Variants in TMEM131L observed in about 807,000 individuals in gnomAD.
The protein encoded by TMEM131L is transmembrane 131 like, also known as transmembrane protein 131-like.
In TMEM131L, 54 loss-of-function variants were observed where a neutral mutation model predicts 192.2. The ratio of observed to expected loss-of-function variants is 0.28; its 90% CI spans 0.23 to 0.35. TMEM131L has a LOEUF of 0.35. TMEM131L is among the 10% of genes least tolerant of loss of function. The probability of loss-of-function intolerance (pLI) is 1.00; values close to 1 mark genes in which losing one functional copy is unlikely to be tolerated. For missense variants in TMEM131L, 1,888 were observed against 1,972.9 expected, an observed-to-expected ratio of 0.96 and a Z score of 0.82; for synonymous variants, 701 against 704.9, an observed-to-expected ratio of 0.99 and a Z score of 0.09.
intron 3 of TMEM131L, among the ~76,000 whole-genome samples, chr4:153,521,555 T>C (rs185284836): frequency 5.8e-4 from 89 of 152,322 alleles, no homozygotes; most frequent in African/African-American, 1.8e-3. Context: ...ATTTTGACCA[T>C]TTTTAAGTGT....
At chr4:153,487,693 C>CGTGTGTGT (rs140651689) in intron 3 of TMEM131L, among the ~76,000 whole-genome samples, 4,342 of 142,018 alleles carry the variant, frequency 0.031, 167 homozygotes, top group Admixed American at 0.12. Flanking sequence ...GCTGCACAGG[C>CGTGTGTGT]GTGTGTGTGT....
At chr4:153,499,302 G>A (rs184532567) in intron 3 of TMEM131L, among the ~76,000 whole-genome samples, 1 of 152,314 alleles carries the variant, frequency 6.6e-6, no homozygotes, top group East Asian at 1.9e-4. Context: ...GATGCCCAGC[G>A]CTTGTCTGCC....
At chr4:153,507,738 A>G (rs893989347) in intron 3 of TMEM131L, among the ~76,000 whole-genome samples, 2 of 152,004 alleles carry the variant, frequency 1.3e-5, no homozygotes, top group Admixed American at 6.6e-5. Flanking sequence ...CAAACAAAAA[A>G]CCAGGGAACG....
chr4:153,538,461 C>A (rs113411332), intron 3 of TMEM131L, among the ~76,000 whole-genome samples: 6 of 152,194 alleles, frequency 3.9e-5, no homozygotes, highest in African/African-American at 1.4e-4. Context: ...TGAAAGACAG[C>A]AGGAACCATC....
At chr4:153,539,637 A>G (rs1055319008) in intron 3 of TMEM131L, among the ~76,000 whole-genome samples, 3 of 151,872 alleles carry the variant, frequency 2.0e-5, no homozygotes, top group East Asian at 1.9e-4. Context: ...CTCGACTGTA[A>G]CAGCTGCTGT....
At chr4:153,490,322 G>A (rs996335951) in intron 3 of TMEM131L, among the ~76,000 whole-genome samples, 2 of 152,192 alleles carry the variant, frequency 1.3e-5, no homozygotes, top group African/African-American at 2.4e-5. Flanking sequence ...GGTGTAATTC[G>A]TGGGTAATTA....
intron 32 of TMEM131L, 115 bp from the exon 33 acceptor site, chr4:153,634,077 C>G: frequency 1.2e-6 from 1 of 867,158 alleles, no homozygotes; most frequent in Non-Finnish European, 1.9e-6. Flanking sequence ...TTTTATTTTC[C>G]AAAATTGGGG....
At chr4:153,541,665 G>C (rs919344828) in intron 3 of TMEM131L, among the ~76,000 whole-genome samples, 1 of 152,200 alleles carries the variant, frequency 6.6e-6, no homozygotes, top group Non-Finnish European at 1.5e-5. Context: ...AAATGAATCA[G>C]TCAAACCACA....
intron 29 of TMEM131L, among the ~76,000 whole-genome samples, chr4:153,623,313 A>G (rs1733590383): frequency 6.6e-6 from 1 of 152,134 alleles, no homozygotes; most frequent in African/African-American, 2.4e-5. Flanking sequence ...TCTTGGAAAT[A>G]GTTCAGAGAG....
At chr4:153,582,672 A>G (rs1194349219) in intron 9 of TMEM131L, among the ~76,000 whole-genome samples, 1 of 151,850 alleles carries the variant, frequency 6.6e-6, no homozygotes, top group African/African-American at 2.4e-5. Flanking sequence ...TCCTGTCCTC[A>G]GTGCTTGGTG....
At chr4:153,480,264 G>A (rs931584049) in intron 3 of TMEM131L, among the ~76,000 whole-genome samples, 9 of 152,094 alleles carry the variant, frequency 5.9e-5, no homozygotes, top group Non-Finnish European at 1.0e-4. Flanking sequence ...GCATGAACCC[G>A]GGAGTCGGAG....
At chr4:153,531,780 G>A (rs976968905) in intron 3 of TMEM131L, among the ~76,000 whole-genome samples, 3 of 152,210 alleles carry the variant, frequency 2.0e-5, no homozygotes, top group Admixed American at 6.5e-5. Context: ...GAGAACTGGC[G>A]AATTTAGGAT....
rs144462317 is a variant in TMEM131L, at chr4:153,594,198, T to G, written c.1995+327T>G. On this transcript the variant is annotated intron_variant, in intron 19 of 34. Transcript: ENST00000409959. ...CTCTTAAGATTCCTTGGCCCTCAAA[T>G]TCTTTTTTAGGGCAAGATAAGGAAA... Among the ~76,000 whole-genome samples, 440 of 152,118 alleles carry G rather than the reference T, an allele frequency of 2.9e-3. 2 individuals carry two copies. The highest frequency in any genetic ancestry group is 0.01 in the African/African-American group (417 of 41,504).
rs1286203964 is a variant in TMEM131L at position 153,591,098 on chromosome 4, C to T, written c.1716C>T (p.Ser572=). ...GTTRFAHLKK[S]KESESFVFFL... ...CTCGATTTGCTCACTTGAAGAAATC[C>T]AAGGAGTCAGAGTCCTTTGTTTTCT... The change falls in exon 17 of 35, where the codon TCC becomes TCT. Residue 572 remains serine (S), a synonymous_variant. Transcript: ENST00000409959. 3 of 1,605,668 alleles carry T rather than the reference C, an allele frequency of 1.9e-6. No individual in the cohort carries two copies. Among genetic ancestry groups the T allele is most frequent in the East Asian group, 2.3e-5 (1 of 44,310 alleles).
intron 20 of TMEM131L, among the ~76,000 whole-genome samples, chr4:153,596,620 A>G (rs757478019): frequency 6.6e-6 from 1 of 152,074 alleles, no homozygotes; most frequent in Admixed American, 6.5e-5. Context: ...TCTCCAGGAG[A>G]GGTAGTGCTT....
chr4:153,598,921 G>A (rs1731637301), intron 21 of TMEM131L, among the ~76,000 whole-genome samples, 189 bp downstream of exon 21: 1 of 152,150 alleles, frequency 6.6e-6, no homozygotes, highest in South Asian at 2.1e-4. Context: ...TGGTACCCCT[G>A]GATTAGAGTG....
chr4:153,623,035 G>A lies in TMEM131L; in HGVS notation c.3997G>A (p.Asp1333Asn), dbSNP rs1256292623. The A allele has an allele frequency of 1.1e-5, 18 of 1,613,616 alleles. No homozygotes were observed. Among genetic ancestry groups the A allele is most frequent in the Middle Eastern group, 3.3e-4 (2 of 6,080 alleles). ...WGSWSSTSSS[D>N]GDKKPMVDAQ... ...GAGCTGGAGCAGCACCAGCAGCTCC[G>A]ACGGGGATAAGAAGCCCATGGTGGA... The change falls in exon 29 of 35, where the codon GAC becomes AAC. Residue 1333 changes from aspartate to asparagine, a missense_variant. Physicochemically the swap from Asp to Asn is conservative, Grantham distance 23. Transcript: ENST00000409959.
intron 7 of TMEM131L, among the ~76,000 whole-genome samples, chr4:153,565,194 C>G (rs1561196811): frequency 6.6e-6 from 1 of 152,164 alleles, no homozygotes; most frequent in Non-Finnish European, 1.5e-5. Context: ...GCAGGAGGGA[C>G]AGGGCCTGCT....
chr4:153,467,068 C>T (rs1020477745), intron 1 of TMEM131L, 143 bp from the exon 2 acceptor site: 3 of 784,798 alleles, frequency 3.8e-6, no homozygotes, highest in South Asian at 3.3e-5. Context: ...ATCCTTGGCT[C>T]GCCCCTGGGA....
Sources: allele counts gnomAD v4.1 joint callset (sites outside exome capture counted in the v4.1 genomes callset), GRCh38; gene constraint gnomAD v4.1.1; transcripts MANE v1.5; gene names NCBI Gene and HGNC (gene_info 2026-07-23, HGNC 2026-07-21).